MTHFD2L: variants seen among roughly 807,000 people sequenced by gnomAD.
MTHFD2L encodes the protein methylenetetrahydrofolate dehydrogenase (NADP+ dependent) 2 like, also known as bifunctional methylenetetrahydrofolate dehydrogenase/cyclohydrolase 2, mitochondrial.
In MTHFD2L, 29 loss-of-function variants were observed where a neutral mutation model predicts 34.9. That is an observed-to-expected ratio of 0.83 (90% CI 0.62 to 1.13). MTHFD2L has a LOEUF of 1.13. Among genes scored for constraint, MTHFD2L ranks in the 50% most tolerant of loss-of-function variants. The probability of loss-of-function intolerance (pLI) is 0.00; values close to 1 mark genes in which losing one functional copy is unlikely to be tolerated. For synonymous variants in MTHFD2L, 167 were observed against 155.7 expected (o/e 1.07, Z -0.54); for missense variants, 481 against 446.5 (o/e 1.08, Z -0.70).
upstream of MTHFD2L, among the ~76,000 whole-genome samples, chr4:74,123,762 A>C (rs943233876): frequency 6.6e-6 from 1 of 152,074 alleles, no homozygotes; most frequent in African/African-American, 2.4e-5. Context: ...ACACTTTCTT[A>C]GATTCTAAAA....
intron 1 of MTHFD2L, among the ~76,000 whole-genome samples, chr4:74,145,113 T>C (rs1723512876): frequency 6.6e-6 from 1 of 151,412 alleles, no homozygotes. Flanking sequence ...TTGCAGTAGG[T>C]TCCAACCATA....
chr4:74,175,371 T>A lies in MTHFD2L; in HGVS notation c.419T>A (p.Val140Asp). The part of the protein sequence containing the change: ...VTDQLNMDPR[V>D]SGILVQLPLP... The stretch of plus-strand genomic sequence containing the variant: ...GATCAATTGAATATGGACCCAAGAG[T>A]CAGCGGTATATTAGTTCAGTTACCA... Residue 140 changes from valine (V) to aspartate (D), a missense_variant, in exon 3 of 8, where the codon GTC becomes GAC. Transcript: ENST00000325278. The A allele has an allele frequency of 6.2e-7, 1 of 1,612,410 alleles. No individual in the cohort carries two copies.
At chr4:74,193,541 C>T (rs1732943395) in intron 3 of MTHFD2L, among the ~76,000 whole-genome samples, 1 of 152,070 alleles carries the variant, frequency 6.6e-6, no homozygotes, top group Non-Finnish European at 1.5e-5. Flanking sequence ...GACATCTTAC[C>T]ATCATTGAGT....
intron 7 of MTHFD2L, among the ~76,000 whole-genome samples, chr4:74,290,603 T>C (rs917261502): frequency 3.3e-5 from 5 of 152,150 alleles, no homozygotes; most frequent in African/African-American, 9.6e-5. Flanking sequence ...AGCTAGTTAA[T>C]GTAGGTGAAT....
chr4:74,280,628 ATGT>A (rs933415463), intron 6 of MTHFD2L, among the ~76,000 whole-genome samples: 1 of 127,238 alleles, frequency 7.9e-6, no homozygotes, highest in Non-Finnish European at 1.5e-5. Flanking sequence ...GGATTGTTCA[ATGT>A]TTTTTTTTTT....
At chr4:74,124,900 T>C (rs1486507205), upstream of MTHFD2L, among the ~76,000 whole-genome samples, 1 of 152,002 alleles carries the variant, frequency 6.6e-6, no homozygotes, top group African/African-American at 2.4e-5. Context: ...TCTGTACATG[T>C]AGACTGTTTA....
chr4:74,259,028 A>G (rs1035943689), intron 6 of MTHFD2L, among the ~76,000 whole-genome samples: 3 of 152,330 alleles, frequency 2.0e-5, no homozygotes, highest in Admixed American at 1.3e-4. Context: ...AAATCTCTGT[A>G]AGAGAAATGC....
chr4:74,223,816 G>T (rs778859621), intron 5 of MTHFD2L, among the ~76,000 whole-genome samples: 2 of 151,600 alleles, frequency 1.3e-5, no homozygotes, highest in Non-Finnish European at 2.9e-5. Context: ...TTAAAAATTT[G>T]CATATGGTAA....
intron 6 of MTHFD2L, among the ~76,000 whole-genome samples, chr4:74,249,600 AT>A (rs1743020233): frequency 1.3e-5 from 2 of 151,874 alleles, no homozygotes; most frequent in South Asian, 2.1e-4. Flanking sequence ...TTTTGGCATG[AT>A]TTTGCAGCAG....
upstream of MTHFD2L, among the ~76,000 whole-genome samples, chr4:74,123,055 T>A (rs948053585): frequency 6.6e-6 from 1 of 152,210 alleles, no homozygotes; most frequent in African/African-American, 2.4e-5. Flanking sequence ...GAGAGGTGTG[T>A]ACATTTAACA....
intron 3 of MTHFD2L, among the ~76,000 whole-genome samples, chr4:74,197,124 A>G (rs1372116364): frequency 6.6e-6 from 1 of 152,168 alleles, no homozygotes; most frequent in Non-Finnish European, 1.5e-5. Flanking sequence ...AAGGGGGGAA[A>G]ACACAAAGTG....
At chr4:74,182,138 G>A (rs11946885) in intron 3 of MTHFD2L, among the ~76,000 whole-genome samples, 3,413 of 152,038 alleles carry the variant, frequency 0.022, 117 homozygotes, top group African/African-American at 0.076. Context: ...CTTTCTCTAT[G>A]GGAGAAACCC....
At chr4:74,141,294 C>G (rs1328845243) in intron 1 of MTHFD2L, among the ~76,000 whole-genome samples, 1 of 152,124 alleles carries the variant, frequency 6.6e-6, no homozygotes, top group East Asian at 1.9e-4. Flanking sequence ...AAATAATTAT[C>G]CATAGGATAA....
At chr4:74,300,525 A>G (rs1341261057) in intron 7 of MTHFD2L, among the ~76,000 whole-genome samples, 1 of 152,062 alleles carries the variant, frequency 6.6e-6, no homozygotes, top group African/African-American at 2.4e-5. Flanking sequence ...CATGTGGTTA[A>G]TAATGTCAGA....
At chr4:74,240,821 T>C (rs775617527) in intron 6 of MTHFD2L, among the ~76,000 whole-genome samples, 41 of 152,234 alleles carry the variant, frequency 2.7e-4, no homozygotes, top group Non-Finnish European at 5.4e-4. Context: ...TCTGCAGCTG[T>C]TACTTTTTAA....
At chr4:74,279,123 C>T (rs1271056279) in intron 6 of MTHFD2L, among the ~76,000 whole-genome samples, 4 of 151,830 alleles carry the variant, frequency 2.6e-5, no homozygotes, top group African/African-American at 9.7e-5. Context: ...TTTATAATAG[C>T]AAAATATTAG....
chr4:74,142,203 C>G (rs762524068), intron 1 of MTHFD2L, among the ~76,000 whole-genome samples: 23 of 152,184 alleles, frequency 1.5e-4, no homozygotes, highest in Admixed American at 2.6e-4. Context: ...TTATGTTTTA[C>G]CTTTTAAAAT....
At chr4:74,160,174 A>G (rs1385986628) in intron 1 of MTHFD2L, 3 of 1,022,550 alleles carry the variant, frequency 2.9e-6, no homozygotes, top group African/African-American at 1.7e-5. Flanking sequence ...CTAGTTCTTC[A>G]TAGTTAATGT....
Position 74,251,128 on chromosome 4 carries a change from T to G in MTHFD2L, c.805+25734T>G, listed in dbSNP as rs1054280935. ...GATCTAAGATGAACTCAGACTCATC[T>G]CTCCTCTAACAATAAATAGTATGCT... On this transcript the variant is annotated intron_variant, in intron 6 of 7. Transcript: ENST00000325278. 2.0e-5 allele frequency among the ~76,000 whole-genome samples: 3 copies of G among 152,188 alleles called. 1 individual carries two copies. The highest frequency in any genetic ancestry group is 2.0e-4 in the Admixed American group (3 of 15,278).
Sources: allele counts gnomAD v4.1 joint callset (sites outside exome capture counted in the v4.1 genomes callset), GRCh38; gene constraint gnomAD v4.1.1; transcripts MANE v1.5; gene names NCBI Gene and HGNC (gene_info 2026-07-23, HGNC 2026-07-21).